The following HHLA1 variants were observed in gnomAD, a reference collection of about 807,000 sequenced individuals.
The protein encoded by HHLA1 is HERV-H LTR-associating protein 1.
In HHLA1, 72 loss-of-function variants were observed where a neutral mutation model predicts 69.9. The observed-to-expected ratio is 1.03, with a 90% CI of 0.85 to 1.25. HHLA1 has a LOEUF of 1.25. Among genes scored for constraint, HHLA1 ranks in the 50% most tolerant of loss-of-function variants. HHLA1 has a pLI of 0.00. For synonymous variants in HHLA1, 252 were observed against 233.2 expected, an observed-to-expected ratio of 1.08 and a Z score of -0.73; for missense variants, 685 against 642.2, an observed-to-expected ratio of 1.07 and a Z score of -0.72.
chr8:132,106,096 T>C (rs566071110), intron 1 of HHLA1, among the ~76,000 whole-genome samples: 35 of 152,354 alleles, frequency 2.3e-4, no homozygotes, highest in African/African-American at 7.9e-4. Context: ...ACAGTCTTTC[T>C]GTGTAGGTAT....
At chr8:132,097,745 C>T (rs1052926305) in intron 5 of HHLA1, among the ~76,000 whole-genome samples, 1 of 152,194 alleles carries the variant, frequency 6.6e-6, no homozygotes, top group Non-Finnish European at 1.5e-5. Flanking sequence ...TCCTCGGCAA[C>T]TCTCATGAGA....
intron 5 of HHLA1, 132 bp downstream of exon 5, chr8:132,098,750 T>C: frequency 3.2e-6 from 2 of 617,508 alleles, no homozygotes; most frequent in Non-Finnish European, 5.6e-6. Flanking sequence ...GCTCAGCCTA[T>C]TCTCCACTCT....
intron 12 of HHLA1, among the ~76,000 whole-genome samples, 194 bp downstream of exon 12, chr8:132,077,532 C>T (rs574198952): frequency 1.3e-5 from 2 of 152,072 alleles, no homozygotes; most frequent in South Asian, 2.1e-4. Context: ...AAAGAAGGAG[C>T]TTTCATTCAT....
chr8:132,084,326 T>G (rs1477501901), intron 10 of HHLA1, among the ~76,000 whole-genome samples: 1 of 151,958 alleles, frequency 6.6e-6, no homozygotes, highest in Admixed American at 6.6e-5. Context: ...CAGATGGGTC[T>G]GTAGAAAAGG....
intron 1 of HHLA1, among the ~76,000 whole-genome samples, chr8:132,106,985 T>A (rs1376040014): frequency 2.0e-5 from 3 of 152,212 alleles, no homozygotes; most frequent in African/African-American, 7.2e-5. Context: ...AAGGTATTTT[T>A]GTGAAGATTA....
chr8:132,106,059 A>G (rs547860182), intron 1 of HHLA1, among the ~76,000 whole-genome samples: 1 of 152,322 alleles, frequency 6.6e-6, no homozygotes, highest in South Asian at 2.1e-4. Context: ...CACATTGAAC[A>G]CTATCTGATG....
intron 14 of HHLA1, 89 bp from the exon 15 acceptor site, chr8:132,071,582 C>T: frequency 1.6e-6 from 2 of 1,253,334 alleles, no homozygotes; most frequent in Non-Finnish European, 2.2e-6. Context: ...TGAATATAGT[C>T]TTGTCCTGAT....
chr8:132,087,815 G>A (rs1156386497), intron 9 of HHLA1, 30 bp downstream of exon 9: 2 of 1,547,996 alleles, frequency 1.3e-6, no homozygotes, highest in Non-Finnish European at 1.7e-6. Flanking sequence ...TCAGCCCAGA[G>A]AGCTTGTCAA....
intron 8 of HHLA1, among the ~76,000 whole-genome samples, chr8:132,088,300 T>C (rs1193403691): frequency 2.0e-5 from 3 of 152,368 alleles, no homozygotes; most frequent in South Asian, 4.1e-4. Context: ...TTGTGTGAGC[T>C]TGGTACCCAA....
chr8:132,099,093 C>T (rs147844201), intron 4 of HHLA1, 131 bp from the exon 5 acceptor site: 7 of 631,334 alleles, frequency 1.1e-5, no homozygotes, highest in East Asian at 5.8e-5. Flanking sequence ...GTGCCAGGCA[C>T]GAGGGGTTCC....
At chr8:132,087,513 T>C (rs1823882835) in intron 10 of HHLA1, 140 bp downstream of exon 10, 2 of 611,216 alleles carry the variant, frequency 3.3e-6, no homozygotes, top group Non-Finnish European at 5.8e-6. Flanking sequence ...AAATTCATTT[T>C]TTTAAAATGA....
rs781061500 is a variant in HHLA1 at position 132,071,471 on chromosome 8, C to T, written c.1338G>A (p.Lys446=). 3.2e-6 allele frequency: 5 copies of T among 1,551,582 alleles called. No homozygotes were observed. The highest frequency in any genetic ancestry group is 4.4e-6 in the Non-Finnish European group (5 of 1,146,912). The change falls in exon 15 of 17, where the codon AAG becomes AAA. Residue 446 remains lysine, a synonymous_variant. Coordinates refer to ENST00000414222, the MANE Select transcript of HHLA1 (RefSeq NM_001145095.3). ...QVSRCPQPLF[K]VGAMAAAPLT... is the part of the protein sequence containing the mutation. ...GAGGAGCAGCTGCCATAGCTCCCAC[C>T]TTGAAGAGTGGCTGAGGACACCCTA...
intron 4 of HHLA1, 27 bp downstream of exon 4, chr8:132,100,048 C>T: frequency 6.5e-7 from 1 of 1,544,864 alleles, no homozygotes; most frequent in Admixed American, 2.0e-5. Flanking sequence ...CCAGACAACC[C>T]AAGGGATTTG....
At chr8:132,103,443 C>T (rs1824148329) in intron 3 of HHLA1, among the ~76,000 whole-genome samples, 1 of 152,026 alleles carries the variant, frequency 6.6e-6, no homozygotes, top group Admixed American at 6.6e-5. Context: ...CATGGTGAAA[C>T]CCTGTTTCTA....
chr8:132,109,157 C>T (rs997644943), intron 1 of HHLA1, among the ~76,000 whole-genome samples: 15 of 152,178 alleles, frequency 9.9e-5, no homozygotes, highest in Non-Finnish European at 1.5e-4. Context: ...CAGGTGCCCA[C>T]CACCATGCCA....
At chr8:132,065,837 T>C (rs1050873114) in intron 16 of HHLA1, 49 bp downstream of exon 16, 9 of 868,648 alleles carry the variant, frequency 1.0e-5, no homozygotes, top group Admixed American at 7.0e-5. Context: ...GACCCTTTTG[T>C]GTAATGCATT....
chr8:132,097,295 A>C (rs1196706694), intron 5 of HHLA1, among the ~76,000 whole-genome samples: 1 of 152,248 alleles, frequency 6.6e-6, no homozygotes, highest in Non-Finnish European at 1.5e-5. Context: ...CAGAATCTCC[A>C]GAGCAGGAAC....
chr8:132,103,219 T>G (rs1824141131), intron 3 of HHLA1, among the ~76,000 whole-genome samples: 1 of 152,214 alleles, frequency 6.6e-6, no homozygotes, highest in South Asian at 2.1e-4. Flanking sequence ...CAATTGGTGC[T>G]TTCAGGAAAG....
intron 3 of HHLA1, among the ~76,000 whole-genome samples, chr8:132,100,682 G>A (rs1363915382): frequency 6.6e-6 from 1 of 152,206 alleles, no homozygotes; most frequent in African/African-American, 2.4e-5. Flanking sequence ...CTGGTAAAGG[G>A]GAATGAACCC....
Sources: gnomAD v4.1 joint callset for allele counts (sites outside exome capture counted in the v4.1 genomes callset) on GRCh38, gnomAD v4.1.1 for gene constraint, MANE v1.5 for transcripts, NCBI Gene and HGNC (gene_info 2026-07-23, HGNC 2026-07-21) for gene names.